The following FTO variants were observed in gnomAD, a reference collection of about 807,000 sequenced individuals.
FTO encodes alpha-ketoglutarate-dependent dioxygenase FTO.
Under a neutral mutation model 63.9 loss-of-function variants are expected in FTO, and 47 were observed. That is an observed-to-expected ratio of 0.74 (90% CI 0.58 to 0.94). FTO has a LOEUF of 0.94. Ranked by LOEUF, FTO falls within the 40% of genes least tolerant of loss-of-function variation. FTO has a pLI of 0.00. For missense variants in FTO, 562 were observed against 618.1 expected (o/e 0.91, Z 0.96); for synonymous variants, 207 against 224.4 (o/e 0.92, Z 0.69).
chr16:54,016,332 C>T (rs1047249217), intron 8 of FTO, among the ~76,000 whole-genome samples: 1 of 151,322 alleles, frequency 6.6e-6, no homozygotes, highest in Non-Finnish European at 1.5e-5. Context: ...GACTTGTCCT[C>T]TTGGACCGAG....
intron 1 of FTO, among the ~76,000 whole-genome samples, chr16:53,798,653 A>C (rs970268911): frequency 6.6e-6 from 1 of 152,206 alleles, no homozygotes; most frequent in Non-Finnish European, 1.5e-5. Flanking sequence ...CTGTTTTGCA[A>C]ATTCTGTAGA....
At chr16:53,792,769 T>C (rs1474620001) in intron 1 of FTO, among the ~76,000 whole-genome samples, 1 of 152,114 alleles carries the variant, frequency 6.6e-6, no homozygotes, top group East Asian at 1.9e-4. Flanking sequence ...TTGAGAGAAT[T>C]TGGCTTTTTC....
At chr16:53,721,406 A>G (rs1030955664) in intron 1 of FTO, among the ~76,000 whole-genome samples, 1 of 152,232 alleles carries the variant, frequency 6.6e-6, no homozygotes, top group African/African-American at 2.4e-5. Context: ...TTTTTATACC[A>G]TTTAGAACAG....
chr16:53,875,260 G>A (rs958043307), intron 5 of FTO, among the ~76,000 whole-genome samples: 1 of 152,122 alleles, frequency 6.6e-6, no homozygotes, highest in Non-Finnish European at 1.5e-5. Flanking sequence ...TGAGTATATG[G>A]CTACTTAAGT....
intron 1 of FTO, among the ~76,000 whole-genome samples, chr16:53,744,603 C>T (rs1032365799): frequency 6.6e-6 from 1 of 152,172 alleles, no homozygotes; most frequent in Non-Finnish European, 1.5e-5. Flanking sequence ...CAAGATCTGC[C>T]TCCTACACTG....
At chr16:53,825,051 A>G (rs186494098) in intron 2 of FTO, among the ~76,000 whole-genome samples, 1 of 152,298 alleles carries the variant, frequency 6.6e-6, no homozygotes, top group African/African-American at 2.4e-5. Flanking sequence ...ATTTTGTAGA[A>G]TTACAATGTA....
intron 8 of FTO, among the ~76,000 whole-genome samples, chr16:54,072,985 G>C (rs2085904039): frequency 6.6e-6 from 1 of 152,186 alleles, no homozygotes. Context: ...AATTATTCTG[G>C]TTGGAGTTTA....
chr16:53,740,936 CAG>C (rs1181971905), intron 1 of FTO, among the ~76,000 whole-genome samples: 2 of 152,212 alleles, frequency 1.3e-5, no homozygotes, highest in Non-Finnish European at 2.9e-5. Flanking sequence ...TGGCCTGTAA[CAG>C]GGGTCAGCAA....
rs182234235 is a variant in FTO, at chr16:53,741,979, C to T, written c.45+37750C>T. The stretch of plus-strand genomic sequence containing the variant: ...TGGCTGGAGAATCAATTCCTTGCCA[C>T]GTTTCTGTCTCCATAGGGCAGCTCA... On this transcript the variant is annotated intron_variant, in intron 1 of 8. Transcript: ENST00000471389. Among the ~76,000 whole-genome samples the T allele has an allele frequency of 1.8e-3, 268 of 152,200 alleles. 1 individual carries two copies. Among genetic ancestry groups the T allele is most frequent in the African/African-American group, 6.1e-3 (252 of 41,518 alleles).
At chr16:53,714,831 G>A (rs1264917525) in intron 1 of FTO, among the ~76,000 whole-genome samples, 1 of 152,132 alleles carries the variant, frequency 6.6e-6, no homozygotes, top group Non-Finnish European at 1.5e-5. Context: ...AGGGAGGAAA[G>A]GATGAGTAGC....
intron 7 of FTO, among the ~76,000 whole-genome samples, chr16:53,896,859 G>A (rs1039673294): frequency 6.6e-6 from 1 of 152,094 alleles, no homozygotes; most frequent in Non-Finnish European, 1.5e-5. Context: ...CTTGCAATGC[G>A]TCTATCCACT....
intron 1 of FTO, among the ~76,000 whole-genome samples, chr16:53,770,885 G>A (rs1003811608): frequency 6.6e-6 from 1 of 151,996 alleles, no homozygotes; most frequent in African/African-American, 2.4e-5. Flanking sequence ...CTAACTCAAG[G>A]CACTTCTGAA....
intron 7 of FTO, among the ~76,000 whole-genome samples, chr16:53,890,294 A>G (rs1567404204): frequency 6.6e-6 from 1 of 152,210 alleles, no homozygotes; most frequent in Non-Finnish European, 1.5e-5. Context: ...AAAAAGCTGT[A>G]CGTATTTAAT....
At chr16:54,037,538 T>C (rs2144254138) in intron 8 of FTO, among the ~76,000 whole-genome samples, 1 of 152,362 alleles carries the variant, frequency 6.6e-6, no homozygotes, top group Non-Finnish European at 1.5e-5. Context: ...CTCATGCTTT[T>C]AGTTAAGAGC....
chr16:54,051,933 GTTGT>G (rs2144335160), intron 8 of FTO, among the ~76,000 whole-genome samples: 1 of 152,280 alleles, frequency 6.6e-6, no homozygotes, highest in Non-Finnish European at 1.5e-5. Context: ...CTGGAACAAG[GTTGT>G]TTGATAACAT....
chr16:53,827,707 C>G (rs779265697), intron 3 of FTO, among the ~76,000 whole-genome samples: 17 of 152,186 alleles, frequency 1.1e-4, no homozygotes, highest in Non-Finnish European at 2.1e-4. Flanking sequence ...GGAAATTTCA[C>G]CACTTTCTCT....
intron 8 of FTO, among the ~76,000 whole-genome samples, chr16:53,944,312 A>C (rs1038544553): frequency 6.6e-6 from 1 of 152,194 alleles, no homozygotes; most frequent in African/African-American, 2.4e-5. Flanking sequence ...GGCTCTCCTT[A>C]AGTGTTCTCA....
chr16:53,886,051 A>C (rs1368489771), intron 6 of FTO, among the ~76,000 whole-genome samples: 1 of 152,168 alleles, frequency 6.6e-6, no homozygotes, highest in Non-Finnish European at 1.5e-5. Context: ...CCTTATTTTT[A>C]ACCATGATAC....
At chr16:53,812,960 G>A (rs112456523) in intron 2 of FTO, among the ~76,000 whole-genome samples, 7 of 152,172 alleles carry the variant, frequency 4.6e-5, no homozygotes, top group Non-Finnish European at 8.8e-5. Flanking sequence ...GCCTTCTGGT[G>A]CATGATTACA....
Sources: allele counts gnomAD v4.1 joint callset (sites outside exome capture counted in the v4.1 genomes callset), GRCh38; gene constraint gnomAD v4.1.1; transcripts MANE v1.5; gene names NCBI Gene and HGNC (gene_info 2026-07-23, HGNC 2026-07-21).